The following MRPS14 variants were observed in gnomAD, a reference collection of about 807,000 sequenced individuals.
MRPS14 encodes mitochondrial ribosomal protein S14, also known as small ribosomal subunit protein uS14m.
Under a neutral mutation model 16.4 loss-of-function variants are expected in MRPS14, and 14 were observed. The observed-to-expected ratio is 0.85, with a 90% CI of 0.56 to 1.33. The LOEUF is 1.33. MRPS14 is among the 40% of genes most tolerant of loss of function. MRPS14 has a pLI of 0.00. For missense variants in MRPS14, 162 were observed against 176.8 expected, an observed-to-expected ratio of 0.92 and a Z score of 0.48; for synonymous variants, 54 against 61.9, an observed-to-expected ratio of 0.87 and a Z score of 0.60.
intron 1 of MRPS14, 64 bp from the exon 2 acceptor site, chr1:175,018,640 C>T (rs1672925266): frequency 7.2e-7 from 1 of 1,390,626 alleles, no homozygotes; most frequent in African/African-American, 1.4e-5. Context: ...TGTTCCTCAA[C>T]CCTGCAATTC....
Position 175,014,462 on chromosome 1 carries a change from T to C in MRPS14, c.*207A>G. 1.9e-6 allele frequency: 1 copy of C among 516,198 alleles called. No individual in the cohort carries two copies. The highest frequency in any genetic ancestry group is 3.4e-6 in the Non-Finnish European group (1 of 295,762). 32.0% of individuals were successfully genotyped at this position (516,198 alleles called of 1,614,324 possible). A position where few individuals can be genotyped will look rare whatever the true frequency, so the allele number is the denominator to read the frequency against. ...TGTACTATGTATGGGAACAGTATGT[T>C]TGTTAAGTCCAAGAGAAAAGATAAT... On this transcript the variant is annotated 3_prime_UTR_variant, in exon 3 of 3. Transcript: ENST00000476371.
Position 175,023,160 on chromosome 1 carries a change from C to T in MRPS14, c.45+204G>A, listed in dbSNP as rs1448546215. 4.7e-6 allele frequency: 6 copies of T among 1,264,944 alleles called. No individual in the cohort carries two copies. The African/African-American group carries it at 7.5e-5, about 16-fold the overall frequency. 78.4% of individuals were successfully genotyped at this position (1,264,944 alleles called of 1,614,324 possible). ...GAGTCAATCTCACATCTTCCAATAC[C>T]AGTTAGTCATATGCTTACGAAAACC... On this transcript the variant is annotated intron_variant, in intron 1 of 2. Transcript: ENST00000476371.
At chr1:175,020,078 GT>G (rs1454160880) in intron 1 of MRPS14, among the ~76,000 whole-genome samples, 8 of 152,298 alleles carry the variant, frequency 5.3e-5, no homozygotes, top group Admixed American at 2.6e-4. Flanking sequence ...AAATATTGAT[GT>G]GGCATATGAC....
chr1:175,022,283 C>A (rs954809422), intron 1 of MRPS14, among the ~76,000 whole-genome samples: 1 of 151,902 alleles, frequency 6.6e-6, no homozygotes, highest in Admixed American at 6.6e-5. Context: ...TTATATTAAA[C>A]TTAATTTCAT....
Position 175,022,324 on chromosome 1 carries a change from G to GA in MRPS14, c.45+1039dup, listed in dbSNP as rs1261852156. Among the ~76,000 whole-genome samples, 13 of 151,740 alleles carry GA rather than the reference G, an allele frequency of 8.6e-5. No homozygotes were observed. In the East Asian group the frequency reaches 2.5e-3, roughly 29 times the overall value. On this transcript the variant is annotated intron_variant, in intron 1 of 2. Transcript: ENST00000476371. The stretch of plus-strand genomic sequence containing the variant: ...TCTTATTTTTTAAATGTGGCTACTA[G>GA]AAAAATTTTAAATTACACATGTGGT...
At chr1:175,019,599 A>G (rs1247283389) in intron 1 of MRPS14, among the ~76,000 whole-genome samples, 1 of 152,152 alleles carries the variant, frequency 6.6e-6, no homozygotes, top group Non-Finnish European at 1.5e-5. Flanking sequence ...CCTGATGAGG[A>G]TAGATTATTG....
chr1:175,018,582 A>G lies in MRPS14; in HGVS notation c.46-6T>C, dbSNP rs1297997627. 3 of 1,588,056 alleles carry G rather than the reference A, an allele frequency of 1.9e-6. No homozygotes were observed. Among genetic ancestry groups the G allele is most frequent in the Admixed American group, 3.7e-5 (2 of 53,724 alleles). On this transcript the variant is annotated splice_region_variant and splice_polypyrimidine_tract_variant and intron_variant, in intron 1 of 2. Transcript: ENST00000476371. ...GAAGCTGATGAAGGAACCATCTGAA[A>G]GACAGAGACAAGGGACAAGTGAAGG...
chr1:175,016,204 A>C lies in MRPS14; in HGVS notation c.205-1353T>G, dbSNP rs116436645. On this transcript the variant is annotated intron_variant, in intron 2 of 2. Coordinates refer to ENST00000476371, the MANE Select transcript of MRPS14 (RefSeq NM_022100.3). ...AGCAAAACCCCATCTCAAAAAAAAA[A>C]AAACAAAAAAAAACCATGATTGAGC... is the stretch of plus-strand genomic sequence containing the variant. 4.3e-3 allele frequency among the ~76,000 whole-genome samples: 649 copies of C among 152,188 alleles called. 4 individuals carry two copies. Among genetic ancestry groups the C allele is most frequent in the African/African-American group, 0.015 (610 of 41,542 alleles).
At chr1:175,022,942 G>A (rs980567441) in intron 1 of MRPS14, among the ~76,000 whole-genome samples, 1 of 152,070 alleles carries the variant, frequency 6.6e-6, no homozygotes, top group African/African-American at 2.4e-5. Flanking sequence ...TTTGAGCAGA[G>A]TTGCCCACTC....
At position 175,023,376 on chromosome 1, in the gene MRPS14, C is replaced by T. The variant is rs748986260; in HGVS notation, c.33G>A (p.Arg11=). Residue 11 remains arginine, a synonymous_variant, in exon 1 of 3, where the codon CGG becomes CGA. Coordinates refer to ENST00000476371, the MANE Select transcript of MRPS14 (RefSeq NM_022100.3). ...GTAGAGGCCTGACCTGCTTGAACGT[C>T]CGCAGCAGCGAGCCCAGCATGAAGG... The part of the protein sequence containing the change: MAAFMLGSLL[R]TFKQMVPSSA... 1.2e-6 allele frequency: 2 copies of T among 1,614,184 alleles called. No individual in the cohort carries two copies. Among genetic ancestry groups the T allele is most frequent in the South Asian group, 1.1e-5 (1 of 91,070 alleles).
At position 175,023,217 on chromosome 1, in the gene MRPS14, A is replaced by C. The variant is rs1379784497; in HGVS notation, c.45+147T>G. 7 of 1,543,524 alleles carry C rather than the reference A, an allele frequency of 4.5e-6. No homozygotes were observed. In the Admixed American group the frequency reaches 6.0e-5, roughly 13 times the overall value. ...ACATCTGCAGCTCGGACCTCCCCTG[A>C]ACCAAGCCCAAGCGCGGAAGAGGGC... On this transcript the variant is annotated intron_variant, in intron 1 of 2. Coordinates refer to ENST00000476371, the MANE Select transcript of MRPS14 (RefSeq NM_022100.3).
intron 2 of MRPS14, among the ~76,000 whole-genome samples, chr1:175,018,137 T>A (rs1672916836): frequency 2.0e-5 from 3 of 150,718 alleles, no homozygotes; most frequent in African/African-American, 7.3e-5. Context: ...AAAAAAAAAA[T>A]TGGGATGAAG....
chr1:175,015,485 A>T (rs1672865007), intron 2 of MRPS14, among the ~76,000 whole-genome samples: 1 of 152,210 alleles, frequency 6.6e-6, no homozygotes. Context: ...AGACTAGAGA[A>T]GGAGGAAGGA....
intron 2 of MRPS14, 128 bp from the exon 3 acceptor site, chr1:175,014,979 C>T: frequency 2.2e-6 from 2 of 902,274 alleles, no homozygotes; most frequent in Middle Eastern, 2.6e-4. Context: ...CTCTGTCACC[C>T]AGGCTGTGGG....
At chr1:175,017,922 G>C (rs111633449) in intron 2 of MRPS14, among the ~76,000 whole-genome samples, 31 of 152,228 alleles carry the variant, frequency 2.0e-4, no homozygotes, top group African/African-American at 7.5e-4. Context: ...TCAGGAGTTC[G>C]AGACCAGCCC....
intron 2 of MRPS14, among the ~76,000 whole-genome samples, chr1:175,016,112 G>C (rs946615923): frequency 5.3e-5 from 8 of 151,660 alleles, no homozygotes; most frequent in African/African-American, 1.7e-4. Flanking sequence ...CAGCAGAATC[G>C]CTTGAACCCA....
intron 2 of MRPS14, among the ~76,000 whole-genome samples, chr1:175,016,481 G>A (rs528663454): frequency 6.6e-6 from 1 of 152,296 alleles, no homozygotes; most frequent in East Asian, 1.9e-4. Context: ...TGCATGCTGT[G>A]AAATTAGAAC....
chr1:175,015,376 G>A (rs1194076119), intron 2 of MRPS14, among the ~76,000 whole-genome samples: 1 of 152,198 alleles, frequency 6.6e-6, no homozygotes, highest in Non-Finnish European at 1.5e-5. Flanking sequence ...CATTTGTAAA[G>A]TATGTGAATG....
chr1:175,013,356 GC>G lies in MRPS14; in HGVS notation c.*1312del, dbSNP rs565005930. The G allele has an allele frequency of 4.6e-4, 70 of 152,242 alleles. 1 individual carries two copies. Among genetic ancestry groups the G allele is most frequent in the African/African-American group, 1.6e-3 (67 of 41,546 alleles). 9.4% of individuals were successfully genotyped at this position (152,242 alleles called of 1,614,324 possible). A position where few individuals can be genotyped will look rare whatever the true frequency, so the allele number is the denominator to read the frequency against. On this transcript the variant is annotated 3_prime_UTR_variant, in exon 3 of 3. Transcript: ENST00000476371. ...TTTCCAAATTTTCTATCTTGGAGTT[GC>G]CCTCTTGGAATTGCCCTCTACCATC...
Sources: gnomAD v4.1 joint callset for allele counts (sites outside exome capture counted in the v4.1 genomes callset) on GRCh38, gnomAD v4.1.1 for gene constraint, MANE v1.5 for transcripts, NCBI Gene and HGNC (gene_info 2026-07-23, HGNC 2026-07-21) for gene names.